Variants in DCC observed in about 807,000 individuals in gnomAD.
DCC encodes DCC netrin 1 receptor.
In DCC, 58 loss-of-function variants were observed where a neutral mutation model predicts 172.5. That is an observed-to-expected ratio of 0.34 (90% CI 0.27 to 0.42). DCC has a LOEUF of 0.42. DCC is among the 10% of genes least tolerant of loss of function. The pLI is 1.00. For missense variants in DCC, 1,740 were observed against 1,791.0 expected (o/e 0.97, Z 0.51); for synonymous variants, 709 against 644.5 (o/e 1.10, Z -1.52).
chr18:52,453,854 G>A (rs1988380655), intron 1 of DCC, among the ~76,000 whole-genome samples: 2 of 152,078 alleles, frequency 1.3e-5, no homozygotes, highest in Admixed American at 1.3e-4. Flanking sequence ...CCCAGAATAT[G>A]TACAGATTAA....
At chr18:52,498,827 G>T (rs755093320) in intron 1 of DCC, among the ~76,000 whole-genome samples, 1 of 151,902 alleles carries the variant, frequency 6.6e-6, no homozygotes, top group African/African-American at 2.4e-5. Flanking sequence ...TTGTAATAAG[G>T]CCACCAGATT....
intron 5 of DCC, among the ~76,000 whole-genome samples, chr18:53,051,712 A>G (rs1023083815): frequency 1.3e-5 from 2 of 151,984 alleles, no homozygotes; most frequent in Admixed American, 1.3e-4. Flanking sequence ...CTTCTTGTAG[A>G]TGTGTTTTGA....
chr18:52,870,066 A>T (rs1407781250), intron 2 of DCC, among the ~76,000 whole-genome samples: 3 of 151,470 alleles, frequency 2.0e-5, no homozygotes, highest in African/African-American at 7.3e-5. Flanking sequence ...CCAGTGGGCG[A>T]CTTGGCCTAG....
At chr18:53,183,765 G>T (rs1218176903) in intron 9 of DCC, among the ~76,000 whole-genome samples, 1 of 151,976 alleles carries the variant, frequency 6.6e-6, no homozygotes, top group Non-Finnish European at 1.5e-5. Context: ...CCTCCTTCAT[G>T]AGATTTTAAA....
intron 2 of DCC, among the ~76,000 whole-genome samples, chr18:52,872,104 C>T (rs1340157993): frequency 6.6e-6 from 1 of 152,124 alleles, no homozygotes; most frequent in Non-Finnish European, 1.5e-5. Context: ...AAAAGGCATA[C>T]ATATTCATTT....
At chr18:52,611,009 T>G (rs1192297355) in intron 1 of DCC, among the ~76,000 whole-genome samples, 3 of 152,230 alleles carry the variant, frequency 2.0e-5, no homozygotes, top group Admixed American at 2.0e-4. Context: ...TGACAGAGAT[T>G]TAGGAATGTT....
At chr18:53,000,531 TG>T (rs1323204093) in intron 5 of DCC, among the ~76,000 whole-genome samples, 5 of 151,392 alleles carry the variant, frequency 3.3e-5, no homozygotes, top group African/African-American at 1.2e-4. Flanking sequence ...GACCTAGGAA[TG>T]ATCCTGTTTT....
At chr18:53,348,792 G>A (rs576326163) in intron 15 of DCC, among the ~76,000 whole-genome samples, 1 of 152,258 alleles carries the variant, frequency 6.6e-6, no homozygotes, top group Admixed American at 6.5e-5. Context: ...AGTCATGGCA[G>A]GAGTGGCTGG....
intron 1 of DCC, among the ~76,000 whole-genome samples, chr18:52,416,455 C>G (rs1987033210): frequency 1.3e-5 from 2 of 152,020 alleles, no homozygotes; most frequent in African/African-American, 4.8e-5. Context: ...GTTGATCTGT[C>G]TAATGTTGAC....
In DCC at chr18:52,448,811, C is replaced by T. The variant is rs112802651; in HGVS notation, c.91+107933C>T. 5.8e-3 allele frequency among the ~76,000 whole-genome samples: 876 copies of T among 152,322 alleles called. 10 individuals carry two copies. Among genetic ancestry groups the T allele is most frequent in the African/African-American group, 0.02 (845 of 41,570 alleles). ...CTTCCCAGCTAATGGCCATAACTTT[C>T]ACCCTAGTTGTCCCTAATGGCTTGC... On this transcript the variant is annotated intron_variant, in intron 1 of 28. Transcript: ENST00000442544.
At chr18:53,443,844 GAAGT>G (rs1912428474) in intron 22 of DCC, among the ~76,000 whole-genome samples, 1 of 152,228 alleles carries the variant, frequency 6.6e-6, no homozygotes, top group Non-Finnish European at 1.5e-5. Context: ...TTCAGTGGAG[GAAGT>G]AAGTGTGATC....
At chr18:52,504,294 C>A (rs550782015) in intron 1 of DCC, among the ~76,000 whole-genome samples, 54 of 152,212 alleles carry the variant, frequency 3.5e-4, no homozygotes, top group African/African-American at 1.2e-3. Context: ...ATCATGGAGG[C>A]CTTGAGTCTG....
intron 5 of DCC, among the ~76,000 whole-genome samples, chr18:52,952,859 A>G (rs543063098): frequency 9.2e-5 from 14 of 151,906 alleles, no homozygotes; most frequent in African/African-American, 3.1e-4. Context: ...TTAGCTGAGC[A>G]CAGTCACACA....
intron 1 of DCC, among the ~76,000 whole-genome samples, chr18:52,413,701 A>AAAAC (rs1253801005): frequency 6.6e-6 from 1 of 152,150 alleles, no homozygotes; most frequent in African/African-American, 2.4e-5. Flanking sequence ...TTCAAAGGGG[A>AAAAC]AAAACAAGCA....
At chr18:53,387,116 T>C (rs1330628206) in intron 16 of DCC, among the ~76,000 whole-genome samples, 2 of 152,206 alleles carry the variant, frequency 1.3e-5, no homozygotes, top group Non-Finnish European at 2.9e-5. Context: ...TTACTGATGT[T>C]TGAAATTTGG....
chr18:52,555,764 A>T lies in DCC; in HGVS notation c.92-196290A>T, dbSNP rs566081097. 2.0e-4 allele frequency among the ~76,000 whole-genome samples: 31 copies of T among 152,262 alleles called. No individual in the cohort carries two copies. The South Asian group carries it at 6.2e-3, about 31-fold the overall frequency. On this transcript the variant is annotated intron_variant, in intron 1 of 28. Coordinates refer to ENST00000442544, the MANE Select transcript of DCC (RefSeq NM_005215.4). Reference sequence around the variant, plus strand: ...ATATCAAACAAAAGGATAGCATCTGATTTCGATTCATTTAACCTTAATGGA... The same window carrying T: ...ATATCAAACAAAAGGATAGCATCTGTTTTCGATTCATTTAACCTTAATGGA...
rs895467720 is a variant in DCC at position 53,467,966 on chromosome 18, G to A, written c.3692G>A (p.Arg1231Gln). 19 of 1,612,006 alleles carry A rather than the reference G, an allele frequency of 1.2e-5. No homozygotes were observed. The highest frequency in any genetic ancestry group is 2.7e-5 in the African/African-American group (2 of 74,880). The change falls in exon 25 of 29, where the codon CGG becomes CAG. Residue 1231 changes from arginine (R) to glutamine (Q), a missense_variant. Transcript: ENST00000442544. ...ERSLAARRAP[R>Q]AKLMIPMDAQ... ...TCGCTGGCTGCACGCCGAGCCCCCC[G>A]GGCCAAGCTCATGATTCCCATGGAT...
At chr18:53,205,869 T>C (rs1036314169) in intron 10 of DCC, among the ~76,000 whole-genome samples, 1 of 151,998 alleles carries the variant, frequency 6.6e-6, no homozygotes, top group Non-Finnish European at 1.5e-5. Flanking sequence ...TCCTTACATT[T>C]TGCTCCTACC....
At chr18:53,131,926 C>A (rs1276578530) in intron 7 of DCC, among the ~76,000 whole-genome samples, 6 of 132,114 alleles carry the variant, frequency 4.5e-5, no homozygotes, top group Admixed American at 2.5e-4. Flanking sequence ...TGGCACTTGG[C>A]AAACATGGTA....
Sources: gnomAD v4.1 joint callset for allele counts (sites outside exome capture counted in the v4.1 genomes callset) on GRCh38, gnomAD v4.1.1 for gene constraint, MANE v1.5 for transcripts, NCBI Gene and HGNC (gene_info 2026-07-23, HGNC 2026-07-21) for gene names.